The following ADAMTS12 variants were observed in gnomAD, a reference collection of about 807,000 sequenced individuals.
ADAMTS12 encodes the protein A disintegrin and metalloproteinase with thrombospondin motifs 12.
In ADAMTS12, 118 loss-of-function variants were observed where a neutral mutation model predicts 167.8. The ratio of observed to expected loss-of-function variants is 0.70; its 90% CI spans 0.61 to 0.82. ADAMTS12 has a LOEUF of 0.82. Among genes scored for constraint, ADAMTS12 ranks in the 40% least tolerant of loss-of-function variants. The pLI is 0.00. For synonymous variants in ADAMTS12, 704 were observed against 716.9 expected (o/e 0.98, Z 0.29); for missense variants, 1,916 against 1,998.8 (o/e 0.96, Z 0.79).
chr5:33,780,608 T>C (rs1487952048), intron 2 of ADAMTS12, among the ~76,000 whole-genome samples: 1 of 152,200 alleles, frequency 6.6e-6, no homozygotes, highest in Non-Finnish European at 1.5e-5. Flanking sequence ...GCATTCCCTG[T>C]GTAAAAGAGC....
Position 33,568,099 on chromosome 5 carries a change from T to A in ADAMTS12, c.3973-6920A>T, listed in dbSNP as rs188894653. On this transcript the variant is annotated intron_variant, in intron 19 of 23. Transcript: ENST00000504830. ...AGCATAAAATCATGCTTGTAAAGCC[T>A]GATGCATGCTTAGGAAAGAAACTGA... Among the ~76,000 whole-genome samples, 4 of 152,328 alleles carry A rather than the reference T, an allele frequency of 2.6e-5. No homozygotes were observed. The East Asian group carries it at 7.7e-4, about 29-fold the overall frequency.
chr5:33,848,641 A>G (rs1453217661), intron 2 of ADAMTS12, among the ~76,000 whole-genome samples: 3 of 152,072 alleles, frequency 2.0e-5, no homozygotes, highest in East Asian at 3.9e-4. Context: ...GGTTGTTGGA[A>G]TTGTTGAGAT....
intron 16 of ADAMTS12, among the ~76,000 whole-genome samples, chr5:33,605,819 T>C (rs1738409201): frequency 6.6e-6 from 1 of 152,224 alleles, no homozygotes. Flanking sequence ...TTAATTCTCA[T>C]ACCAACCATA....
intron 3 of ADAMTS12, among the ~76,000 whole-genome samples, chr5:33,691,600 G>A (rs1439876198): frequency 2.0e-5 from 3 of 152,186 alleles, no homozygotes; most frequent in Admixed American, 6.5e-5. Context: ...AGACATGGAA[G>A]AGAGGTCTCT....
chr5:33,849,193 T>C (rs1322277300), intron 2 of ADAMTS12, among the ~76,000 whole-genome samples: 2 of 86,096 alleles, frequency 2.3e-5, no homozygotes, highest in East Asian at 3.8e-4. Flanking sequence ...ATGTATTGCA[T>C]AGCAATATAT....
At chr5:33,873,344 A>G (rs1750111312) in intron 2 of ADAMTS12, among the ~76,000 whole-genome samples, 3 of 152,306 alleles carry the variant, frequency 2.0e-5, no homozygotes, top group African/African-American at 7.2e-5. Flanking sequence ...TTAAATACTT[A>G]GATACATCGA....
At chr5:33,833,892 G>C (rs1376273201) in intron 2 of ADAMTS12, among the ~76,000 whole-genome samples, 1 of 152,176 alleles carries the variant, frequency 6.6e-6, no homozygotes, top group East Asian at 1.9e-4. Flanking sequence ...GAAAAAATGG[G>C]GCTACATTAG....
chr5:33,741,681 G>C (rs2112372716), intron 3 of ADAMTS12, among the ~76,000 whole-genome samples: 1 of 152,240 alleles, frequency 6.6e-6, no homozygotes, highest in South Asian at 2.1e-4. Flanking sequence ...AGGCTGGAGT[G>C]CAGTGGTGCG....
intron 23 of ADAMTS12, among the ~76,000 whole-genome samples, 165 bp downstream of exon 23, chr5:33,534,668 A>G (rs1476722720): frequency 6.6e-6 from 1 of 152,252 alleles, no homozygotes; most frequent in Non-Finnish European, 1.5e-5. Flanking sequence ...TTAGGATTCA[A>G]ACCTCACCAG....
At chr5:33,766,247 T>C (rs1281235838) in intron 2 of ADAMTS12, among the ~76,000 whole-genome samples, 1 of 152,208 alleles carries the variant, frequency 6.6e-6, no homozygotes, top group Non-Finnish European at 1.5e-5. Context: ...CAAGTCTTAC[T>C]GATACATGTG....
intron 3 of ADAMTS12, among the ~76,000 whole-genome samples, chr5:33,689,540 AC>A (rs1428787675): frequency 6.6e-6 from 1 of 152,114 alleles, no homozygotes; most frequent in African/African-American, 2.4e-5. Flanking sequence ...GAGGTAGGTG[AC>A]CTTTTGATAC....
intron 20 of ADAMTS12, among the ~76,000 whole-genome samples, chr5:33,557,915 T>A (rs952705866): frequency 6.6e-6 from 1 of 152,080 alleles, no homozygotes; most frequent in Non-Finnish European, 1.5e-5. Context: ...TATTGTGAAC[T>A]GTGCATGCAA....
chr5:33,570,870 C>T (rs1387599267), intron 19 of ADAMTS12, among the ~76,000 whole-genome samples: 1 of 150,956 alleles, frequency 6.6e-6, no homozygotes. Context: ...TGCAGAGACA[C>T]ACATAGGCTC....
intron 20 of ADAMTS12, among the ~76,000 whole-genome samples, chr5:33,556,893 G>A (rs1386656108): frequency 6.6e-6 from 1 of 152,228 alleles, no homozygotes; most frequent in Non-Finnish European, 1.5e-5. Flanking sequence ...CTGCTGATGA[G>A]AGTTGCTGCT....
At chr5:33,609,957 A>C (rs953506471) in intron 16 of ADAMTS12, among the ~76,000 whole-genome samples, 1 of 151,910 alleles carries the variant, frequency 6.6e-6, no homozygotes, top group African/African-American at 2.4e-5. Flanking sequence ...AAGTGGGCGG[A>C]TCACCTGAGG....
At chr5:33,820,856 C>T (rs1449515285) in intron 2 of ADAMTS12, among the ~76,000 whole-genome samples, 1 of 152,108 alleles carries the variant, frequency 6.6e-6, no homozygotes, top group African/African-American at 2.4e-5. Context: ...TTATCCTTAG[C>T]AAAGTAATGC....
At chr5:33,644,360 C>G (rs910601336) in intron 9 of ADAMTS12, among the ~76,000 whole-genome samples, 1 of 152,158 alleles carries the variant, frequency 6.6e-6, no homozygotes, top group Non-Finnish European at 1.5e-5. Flanking sequence ...CCATCACACA[C>G]CCCTAAGAAG....
At chr5:33,823,399 A>G (rs1290663595) in intron 2 of ADAMTS12, among the ~76,000 whole-genome samples, 7 of 152,204 alleles carry the variant, frequency 4.6e-5, no homozygotes, top group Non-Finnish European at 8.8e-5. Flanking sequence ...CACCCTAGGC[A>G]TATCTTTTGT....
At chr5:33,805,193 G>GC (rs1247130097) in intron 2 of ADAMTS12, among the ~76,000 whole-genome samples, 1 of 152,116 alleles carries the variant, frequency 6.6e-6, no homozygotes, top group East Asian at 1.9e-4. Flanking sequence ...AACAAAAGGA[G>GC]CCACCCTCCA....
Sources: gnomAD v4.1 joint callset for allele counts (sites outside exome capture counted in the v4.1 genomes callset) on GRCh38, gnomAD v4.1.1 for gene constraint, MANE v1.5 for transcripts, NCBI Gene and HGNC (gene_info 2026-07-23, HGNC 2026-07-21) for gene names.